The following ADGRG7 variants were observed in gnomAD, a reference collection of about 807,000 sequenced individuals.
The protein encoded by ADGRG7 is G-protein coupled receptor 128.
In ADGRG7, 82 loss-of-function variants were observed where a neutral mutation model predicts 88.6. The ratio of observed to expected loss-of-function variants is 0.93; its 90% confidence interval spans 0.77 to 1.11. The LOEUF is 1.11. ADGRG7 is among the 50% of genes most tolerant of loss of function. The pLI is 0.00. For synonymous variants in ADGRG7, 381 were observed against 345.2 expected (o/e 1.10, Z -1.15); for missense variants, 945 against 953.4 (o/e 0.99, Z 0.12).
chr3:100,644,587 T>G (rs1478274610), intron 8 of ADGRG7, among the ~76,000 whole-genome samples: 1 of 152,044 alleles, frequency 6.6e-6, no homozygotes, highest in East Asian at 1.9e-4. Context: ...CCTGAAGCCC[T>G]CTACCTCACG....
intron 15 of ADGRG7, among the ~76,000 whole-genome samples, chr3:100,686,962 A>T (rs1000567956): frequency 2.6e-5 from 4 of 152,314 alleles, no homozygotes; most frequent in African/African-American, 9.6e-5. Context: ...TCTATAAATT[A>T]CCTTGGGCAG....
intron 15 of ADGRG7, among the ~76,000 whole-genome samples, chr3:100,677,049 C>T (rs138846951): frequency 6.6e-6 from 1 of 151,974 alleles, no homozygotes; most frequent in African/African-American, 2.4e-5. Context: ...TTCAGCCACT[C>T]TATGTCTTTT....
intron 4 of ADGRG7, among the ~76,000 whole-genome samples, chr3:100,635,072 T>G (rs1341890006): frequency 6.6e-6 from 1 of 151,280 alleles, no homozygotes; most frequent in African/African-American, 2.4e-5. Context: ...GCTTCACCAA[T>G]GACAATATGG....
intron 11 of ADGRG7, 134 bp from the exon 12 acceptor site, chr3:100,654,701 C>T: frequency 1.7e-6 from 1 of 573,730 alleles, no homozygotes; most frequent in Non-Finnish European, 3.1e-6. Context: ...GATTTACCAG[C>T]TGTCACAACT....
At chr3:100,635,978 T>C (rs954399331) in intron 5 of ADGRG7, 152 bp downstream of exon 5, 24 of 541,862 alleles carry the variant, frequency 4.4e-5, no homozygotes, top group Non-Finnish European at 7.3e-5. Flanking sequence ...ATAGCACTCC[T>C]GAGAGACGCT....
At chr3:100,660,256 C>G (rs780428237) in intron 14 of ADGRG7, among the ~76,000 whole-genome samples, 1 of 152,178 alleles carries the variant, frequency 6.6e-6, no homozygotes, top group Admixed American at 6.5e-5. Context: ...CTATATTTTA[C>G]ATGTGTTGCT....
Position 100,633,317 on chromosome 3 carries a change from A to G in ADGRG7, c.387A>G (p.Ile129Met). 1.9e-6 allele frequency: 3 copies of G among 1,590,424 alleles called. No homozygotes were observed. The highest frequency in any genetic ancestry group is 2.6e-6 in the Non-Finnish European group (3 of 1,167,682). ...RLCSLSLYGEIELQKVTIGNC... is the reference protein window; with the variant it reads ...RLCSLSLYGEMELQKVTIGNC... ...GCAGTCTCTCTCTATATGGAGAGAT[A>G]GAATTACAAAAAGTGACAATAGGAA... Residue 129 changes from isoleucine (I) to methionine (M), a missense_variant, in exon 4 of 16, where the codon ATA becomes ATG. Physicochemically the swap from Ile to Met is conservative, Grantham distance 10 (BLOSUM62 1). Coordinates refer to ENST00000273352, the MANE Select transcript of ADGRG7 (RefSeq NM_032787.3).
At chr3:100,624,283 T>C (rs1576313890) in intron 1 of ADGRG7, among the ~76,000 whole-genome samples, 1 of 152,230 alleles carries the variant, frequency 6.6e-6, no homozygotes, top group Non-Finnish European at 1.5e-5. Flanking sequence ...ATTTCTGTAA[T>C]GATCAGTGTG....
At chr3:100,628,546 C>T (rs1010028594) in intron 1 of ADGRG7, among the ~76,000 whole-genome samples, 4 of 151,840 alleles carry the variant, frequency 2.6e-5, no homozygotes, top group African/African-American at 7.2e-5. Flanking sequence ...AGTAGAGATG[C>T]GGTTTCACCA....
chr3:100,649,850 C>A, intron 11 of ADGRG7, 43 bp downstream of exon 11: 1 of 1,053,964 alleles, frequency 9.5e-7, no homozygotes, highest in Non-Finnish European at 1.5e-6. Flanking sequence ...AAATTGCTAT[C>A]TTGATATAAT....
chr3:100,691,541 C>A (rs568835966), intron 15 of ADGRG7, among the ~76,000 whole-genome samples: 1 of 151,954 alleles, frequency 6.6e-6, no homozygotes, highest in African/African-American at 2.4e-5. Flanking sequence ...CCTTTTTAAA[C>A]ATAAATTATT....
intron 15 of ADGRG7, among the ~76,000 whole-genome samples, chr3:100,671,050 C>A (rs1485137509): frequency 6.6e-6 from 1 of 152,104 alleles, no homozygotes; most frequent in Admixed American, 6.6e-5. Context: ...GATTTATAAT[C>A]CTTTGGGTAT....
chr3:100,630,790 T>G lies in ADGRG7; in HGVS notation c.315T>G (p.Cys105Trp), dbSNP rs779906546. 2 of 1,482,648 alleles carry G rather than the reference T, an allele frequency of 1.3e-6. No individual in the cohort carries two copies. Among genetic ancestry groups the G allele is most frequent in the Non-Finnish European group, 1.8e-6 (2 of 1,117,324 alleles). The allele number at this position is 1,482,648 out of a possible 1,614,324, so 91.8% of individuals were successfully genotyped here. A position where few individuals can be genotyped will look rare whatever the true frequency, so the allele number is the denominator to read the frequency against. ...GATATGGACCATCCTTGCAAACATGTGGCAAGGATACTCCAAATGGTATGT... is the reference window on the plus strand; with the variant it reads ...GATATGGACCATCCTTGCAAACATGGGGCAAGGATACTCCAAATGGTATGT... Reference protein sequence around the residue: ...VGRYGPSLQTCGKDTPNAGNP... With the variant: ...VGRYGPSLQTWGKDTPNAGNP... Residue 105 changes from cysteine to tryptophan, a missense_variant, in exon 3 of 16, where the codon TGT (cysteine) becomes TGG (tryptophan). Coordinates refer to ENST00000273352, the MANE Select transcript of ADGRG7 (RefSeq NM_032787.3).
intron 6 of ADGRG7, 93 bp from the exon 7 acceptor site, chr3:100,643,173 G>A: frequency 2.7e-6 from 3 of 1,112,246 alleles, no homozygotes; most frequent in Non-Finnish European, 2.6e-6. Flanking sequence ...ACAATTCTAT[G>A]CTCATGTCTT....
intron 8 of ADGRG7, among the ~76,000 whole-genome samples, chr3:100,644,031 T>G (rs1352394735): frequency 2.0e-5 from 3 of 152,212 alleles, no homozygotes; most frequent in African/African-American, 7.2e-5. Flanking sequence ...GACCTAACCC[T>G]GGAGAAGTCT....
intron 1 of ADGRG7, among the ~76,000 whole-genome samples, chr3:100,610,347 TACAC>T (rs1707129792): frequency 1.3e-5 from 2 of 152,088 alleles, no homozygotes; most frequent in African/African-American, 4.8e-5. Context: ...ATCAAACACA[TACAC>T]ACACATGCAT....
intron 10 of ADGRG7, 45 bp from the exon 11 acceptor site, chr3:100,649,650 T>G: frequency 9.5e-7 from 1 of 1,056,868 alleles, no homozygotes. Context: ...CATTAACACT[T>G]CAGGGATGAC....
At position 100,695,199 on chromosome 3, in the gene ADGRG7, C is replaced by T. The variant is rs55722324; in HGVS notation, c.*198C>T. 1.0e-5 allele frequency: 6 copies of T among 574,736 alleles called. No homozygotes were observed. The East Asian group carries it at 1.8e-4, about 17-fold the overall frequency. The allele number at this position is 574,736 out of a possible 1,614,324, so 35.6% of individuals were successfully genotyped here. A position where few individuals can be genotyped will look rare whatever the true frequency, so the allele number is the denominator to read the frequency against. On this transcript the variant is annotated 3_prime_UTR_variant, in exon 16 of 16. Transcript: ENST00000273352. ...TTTTCTATTTTTCAATAGATTTGTACTTGAATAAGGTGAAGAATTTCACAC... is the reference window on the plus strand; with the variant it reads ...TTTTCTATTTTTCAATAGATTTGTATTTGAATAAGGTGAAGAATTTCACAC...
chr3:100,617,999 C>T (rs2149011973), intron 1 of ADGRG7, among the ~76,000 whole-genome samples: 1 of 152,292 alleles, frequency 6.6e-6, no homozygotes, highest in Middle Eastern at 3.4e-3. Context: ...TGTCTATTGG[C>T]TGCATAAATG....
Sources: gnomAD v4.1 joint callset for allele counts (sites outside exome capture counted in the v4.1 genomes callset) on GRCh38, gnomAD v4.1.1 for gene constraint, MANE v1.5 for transcripts, NCBI Gene and HGNC (gene_info 2026-07-23, HGNC 2026-07-21) for gene names.